Variants in ADCY9 observed in about 807,000 individuals in gnomAD.
ADCY9 encodes adenylate cyclase 9.
ADCY9 carries 50 observed loss-of-function variants against 101.5 expected under a neutral mutation model. The ratio of observed to expected loss-of-function variants is 0.49; its 90% CI spans 0.39 to 0.62. The LOEUF (loss-of-function observed/expected upper bound fraction) is 0.62, where lower values mean the gene tolerates loss of function less well. Ranked by LOEUF, ADCY9 falls within the 20% of genes least tolerant of loss-of-function variation. The pLI is 0.00. For synonymous variants in ADCY9, 905 were observed against 769.3 expected (o/e 1.18, Z -2.92); for missense variants, 1,662 against 1,800.4 (o/e 0.92, Z 1.39).
At chr16:3,995,271 C>T (rs9935343) in intron 3 of ADCY9, among the ~76,000 whole-genome samples, 37,160 of 151,736 alleles carry the variant, frequency 0.24, 4,925 homozygotes, top group African/African-American at 0.33. Flanking sequence ...CAACAAAAAG[C>T]ATAAAAATTA....
intron 2 of ADCY9, among the ~76,000 whole-genome samples, chr16:4,038,103 C>T (rs1287605507): frequency 2.0e-5 from 3 of 152,052 alleles, no homozygotes; most frequent in Non-Finnish European, 4.4e-5. Flanking sequence ...GCGAAGACTC[C>T]GTCTCTACAA....
At chr16:4,053,449 GC>G (rs1379771524) in intron 2 of ADCY9, among the ~76,000 whole-genome samples, 2 of 152,164 alleles carry the variant, frequency 1.3e-5, no homozygotes, top group Non-Finnish European at 2.9e-5. Flanking sequence ...ACAGCAGTTG[GC>G]AGTGTCCCCA....
At chr16:4,058,597 A>G (rs1037206985) in intron 2 of ADCY9, among the ~76,000 whole-genome samples, 5 of 152,164 alleles carry the variant, frequency 3.3e-5, no homozygotes, top group African/African-American at 1.2e-4. Flanking sequence ...TCATGCCTAC[A>G]ATGACGTTGC....
At chr16:4,107,694 G>A (rs2057086683) in intron 2 of ADCY9, among the ~76,000 whole-genome samples, 1 of 152,060 alleles carries the variant, frequency 6.6e-6, no homozygotes, top group Non-Finnish European at 1.5e-5. Flanking sequence ...AACGGGGGAA[G>A]GAAGGGGAAC....
intron 2 of ADCY9, among the ~76,000 whole-genome samples, chr16:4,098,598 C>T (rs1318857907): frequency 6.6e-6 from 1 of 152,126 alleles, no homozygotes; most frequent in African/African-American, 2.4e-5. Context: ...TATTATATGC[C>T]TGGCTATATT....
At chr16:4,013,496 A>C (rs1162559372) in intron 2 of ADCY9, among the ~76,000 whole-genome samples, 1 of 152,214 alleles carries the variant, frequency 6.6e-6, no homozygotes, top group Non-Finnish European at 1.5e-5. Flanking sequence ...GAAGGAAAGA[A>C]TGTTTTAAGA....
chr16:4,003,638 C>T (rs2056347238), intron 3 of ADCY9, among the ~76,000 whole-genome samples: 2 of 148,826 alleles, frequency 1.3e-5, no homozygotes, highest in Non-Finnish European at 3.0e-5. Flanking sequence ...CATCACAGCT[C>T]ACTGCAGCCT....
chr16:4,066,854 T>A (rs2056804001), intron 2 of ADCY9, among the ~76,000 whole-genome samples: 1 of 152,212 alleles, frequency 6.6e-6, no homozygotes, highest in Non-Finnish European at 1.5e-5. Context: ...AACTGCCCAG[T>A]TAAACATAAC....
chr16:3,959,281 A>G (rs2055925160), downstream of ADCY9, among the ~76,000 whole-genome samples: 1 of 150,492 alleles, frequency 6.6e-6, no homozygotes, highest in Admixed American at 6.7e-5. Context: ...GGATGGCTTG[A>G]GGCCAGGGAG....
At chr16:4,107,829 C>T (rs1379733357) in intron 2 of ADCY9, among the ~76,000 whole-genome samples, 1 of 152,102 alleles carries the variant, frequency 6.6e-6, no homozygotes, top group Non-Finnish European at 1.5e-5. Context: ...TTTGCAGAGG[C>T]TAACGCATAC....
intron 6 of ADCY9, among the ~76,000 whole-genome samples, chr16:3,988,453 G>GTTCCCTTCCAGGGCAGATGTGGGGGA (rs2056213986): frequency 1.1e-5 from 1 of 92,684 alleles, no homozygotes; most frequent in Non-Finnish European, 2.6e-5. Flanking sequence ...CAGGTGGGGG[G>GTTCCCTTCCAGGGCAGATGTGGGGGA]TTCCCTTCCA....
intron 2 of ADCY9, among the ~76,000 whole-genome samples, chr16:4,047,324 AAGAG>A (rs1054714178): frequency 6.6e-6 from 1 of 150,854 alleles, no homozygotes; most frequent in Non-Finnish European, 1.5e-5. Context: ...GATAAAAAGA[AAGAG>A]AGAGCTAGCT....
At chr16:4,043,397 G>A (rs1371261247) in intron 2 of ADCY9, among the ~76,000 whole-genome samples, 2 of 151,912 alleles carry the variant, frequency 1.3e-5, no homozygotes, top group Non-Finnish European at 2.9e-5. Flanking sequence ...AGTCTGGCCC[G>A]GCGCGGTGGC....
At chr16:4,008,911 A>G (rs1363401306) in intron 2 of ADCY9, among the ~76,000 whole-genome samples, 1 of 152,144 alleles carries the variant, frequency 6.6e-6, no homozygotes, top group Non-Finnish European at 1.5e-5. Context: ...TGGCATGGAA[A>G]GATGCCATCG....
intron 2 of ADCY9, among the ~76,000 whole-genome samples, chr16:4,081,799 G>T (rs1171033234): frequency 6.7e-6 from 1 of 148,152 alleles, no homozygotes; most frequent in African/African-American, 2.5e-5. Context: ...GGGGCGTGTG[G>T]GTAAGAGCAA....
chr16:4,029,127 T>G (rs1567444541), intron 2 of ADCY9, among the ~76,000 whole-genome samples: 1 of 152,098 alleles, frequency 6.6e-6, no homozygotes, highest in Non-Finnish European at 1.5e-5. Context: ...TACCTCATAG[T>G]GTACACAAAA....
At chr16:3,972,269 C>T (rs1304641590) in intron 10 of ADCY9, among the ~76,000 whole-genome samples, 1 of 151,292 alleles carries the variant, frequency 6.6e-6, no homozygotes, top group East Asian at 1.9e-4. Context: ...TTGCTCTGTC[C>T]CCCAGGCTGG....
intron 2 of ADCY9, among the ~76,000 whole-genome samples, chr16:4,104,419 A>G (rs964603085): frequency 1.3e-5 from 2 of 152,212 alleles, no homozygotes; most frequent in Non-Finnish European, 2.9e-5. Context: ...TTCAGATTCC[A>G]TATTGCAACT....
At chr16:3,972,233 TC>T (rs1438886384) in intron 10 of ADCY9, among the ~76,000 whole-genome samples, 2 of 118,856 alleles carry the variant, frequency 1.7e-5, no homozygotes, top group East Asian at 4.4e-4. Context: ...CTTTTTCTTT[TC>T]TTTTTTTTTT....
Sources: gnomAD v4.1 joint callset for allele counts (sites outside exome capture counted in the v4.1 genomes callset) on GRCh38, gnomAD v4.1.1 for gene constraint, MANE v1.5 for transcripts, NCBI Gene and HGNC (gene_info 2026-07-23, HGNC 2026-07-21) for gene names.